ZNF395: variants seen among roughly 807,000 people sequenced by gnomAD.
The protein encoded by ZNF395 is HD gene regulatory region-binding protein 2.
ZNF395 carries 20 observed loss-of-function variants against 57.7 expected under a neutral mutation model. That is an observed-to-expected ratio of 0.35 (90% CI 0.24 to 0.50). The LOEUF is 0.50. ZNF395 is among the 20% of genes least tolerant of loss of function. The pLI, the probability that ZNF395 is intolerant of heterozygous loss-of-function variation, is 0.97. For missense variants in ZNF395, 606 were observed against 671.2 expected (o/e 0.90, Z 1.07); for synonymous variants, 295 against 275.9 (o/e 1.07, Z -0.69).
chr8:28,373,353 T>G (rs1228262160), intron 1 of ZNF395, among the ~76,000 whole-genome samples: 2 of 152,176 alleles, frequency 1.3e-5, no homozygotes, highest in South Asian at 2.1e-4. Flanking sequence ...ACAAGTTCTA[T>G]AGAGAGATAG....
chr8:28,356,552 G>A lies in ZNF395; in HGVS notation c.583+118C>T. The A allele has an allele frequency of 1.5e-6, 1 of 665,862 alleles. No individual in the cohort carries two copies. Among genetic ancestry groups the A allele is most frequent in the Non-Finnish European group, 2.6e-6 (1 of 389,558 alleles). The allele number at this position is 665,862 out of a possible 1,614,324, so 41.2% of individuals were successfully genotyped here. A position where few individuals can be genotyped will look rare whatever the true frequency, so the allele number is the denominator to read the frequency against. ...AGCCGGTCAGAGGTGCCAGTGGGAG[G>A]TGTCCCTGGACATTCTATTGCCAGG... On this transcript the variant is annotated intron_variant, in intron 4 of 9. Transcript: ENST00000344423. The surrounding 1 kb of genome is among the most constrained non-coding windows in gnomAD (Gnocchi z 4.0).
chr8:28,373,853 C>T (rs1802006481), intron 1 of ZNF395, among the ~76,000 whole-genome samples: 1 of 152,176 alleles, frequency 6.6e-6, no homozygotes, highest in Admixed American at 6.5e-5. Context: ...TGCTTAATGT[C>T]TGAGCACAGG....
intron 1 of ZNF395, among the ~76,000 whole-genome samples, chr8:28,362,395 C>T (rs537334378): frequency 6.6e-6 from 1 of 152,344 alleles, no homozygotes; most frequent in African/African-American, 2.4e-5. Context: ...GTCCTCTGTT[C>T]CCTACTATTC....
intron 8 of ZNF395, 85 bp downstream of exon 8, chr8:28,349,973 GCCCCGT>G (rs1239502042): frequency 1.7e-6 from 2 of 1,204,124 alleles, no homozygotes; most frequent in Non-Finnish European, 2.2e-6. Flanking sequence ...GTGGCCACGT[GCCCCGT>G]GCCCAAGGGA....
chr8:28,377,906 C>A (rs1802060994), intron 1 of ZNF395, among the ~76,000 whole-genome samples: 2 of 151,712 alleles, frequency 1.3e-5, no homozygotes, highest in Non-Finnish European at 2.9e-5. Flanking sequence ...TACAGGCAAG[C>A]AACACTACGC....
rs1465948054 is a variant in ZNF395, at chr8:28,352,767, C to T, written c.820-94G>A. The stretch of plus-strand genomic sequence containing the variant: ...GGGGACTCAAACTGGCTGCTGTCCC[C>T]GGCCTGACCCAACAAAAACCTCCAG... On this transcript the variant is annotated intron_variant, in intron 5 of 9. Coordinates refer to ENST00000344423, the MANE Select transcript of ZNF395 (RefSeq NM_018660.3). This position sits in a 1 kb window ranked among gnomAD's most constrained non-coding sequence, Gnocchi z 4.0. The T allele has an allele frequency of 1.4e-5, 15 of 1,079,670 alleles. No individual in the cohort carries two copies. The highest frequency in any genetic ancestry group is 2.0e-4 in the Middle Eastern group (1 of 4,892). 66.9% of individuals were successfully genotyped at this position (1,079,670 alleles called of 1,614,324 possible).
At chr8:28,382,625 C>A (rs1014810494) in intron 1 of ZNF395, among the ~76,000 whole-genome samples, 1 of 152,162 alleles carries the variant, frequency 6.6e-6, no homozygotes, top group African/African-American at 2.4e-5. Flanking sequence ...GGTAGTTATT[C>A]TTTATGTTGG....
In ZNF395 at chr8:28,359,619, A is replaced by G. The variant is rs748792392; in HGVS notation, c.446T>C (p.Val149Ala). ...CTTTGGGACATCGATGTTCCTGGAGACGGGCCTGTAGGCCAGGGCCTGGGC... is the reference window on the plus strand; with the variant it reads ...CTTTGGGACATCGATGTTCCTGGAGGCGGGCCTGTAGGCCAGGGCCTGGGC... ...PGAQALAYRPVSRNIDVPKRK... is the reference protein window; with the variant it reads ...PGAQALAYRPASRNIDVPKRK... The change falls in exon 3 of 10, where the codon GTC (valine) becomes GCC (alanine). Residue 149 changes from valine to alanine, a missense_variant. By Grantham distance (64) the Val-to-Ala change is moderately conservative. Transcript: ENST00000344423. This position sits in a 1 kb window ranked among gnomAD's most constrained non-coding sequence, Gnocchi z 4.7. The G allele has an allele frequency of 1.9e-6, 3 of 1,606,272 alleles. No homozygotes were observed. The highest frequency in any genetic ancestry group is 2.7e-5 in the African/African-American group (2 of 74,676).
At position 28,356,718 on chromosome 8, in the gene ZNF395, A is replaced by C; in HGVS notation, c.535T>G (p.Cys179Gly). The stretch of plus-strand genomic sequence containing the variant: ...GGAGGACTCTGTACAACAGGGCTGC[A>C]GGACAGGGACGTCAGCACCATGGCC... ...MAAMVLTSLSCSPVVQSPPGT... is the reference protein window; with the variant it reads ...MAAMVLTSLSGSPVVQSPPGT... The change falls in exon 4 of 10, where the codon TGC (cysteine) becomes GGC (glycine). Residue 179 changes from cysteine (C) to glycine (G), a missense_variant. Cys to Gly is a radical substitution (Grantham distance 159). This residue lies in a region of ZNF395 where 309 missense variants were observed against 374.7 expected (regional missense o/e 0.82). Coordinates refer to ENST00000344423, the MANE Select transcript of ZNF395 (RefSeq NM_018660.3). The surrounding 1 kb of genome is among the most constrained non-coding windows in gnomAD (Gnocchi z 4.0). 1 of 1,614,242 alleles carries C rather than the reference A, an allele frequency of 6.2e-7. No homozygotes were observed. The highest frequency in any genetic ancestry group is 8.5e-7 in the Non-Finnish European group (1 of 1,180,040).
chr8:28,350,585 C>A (rs185538221), intron 7 of ZNF395, among the ~76,000 whole-genome samples: 13 of 152,312 alleles, frequency 8.5e-5, no homozygotes, highest in Admixed American at 8.5e-4. Flanking sequence ...TCATGGGTAT[C>A]CAGGTTCAGG....
At chr8:28,379,842 T>TAAAAA (rs748360582) in intron 1 of ZNF395, among the ~76,000 whole-genome samples, 5 of 123,978 alleles carry the variant, frequency 4.0e-5, no homozygotes, top group African/African-American at 1.7e-4. Context: ...ATACAAACGT[T>TAAAAA]AAAAAAAAAA....
intron 8 of ZNF395, 40 bp downstream of exon 8, chr8:28,350,024 C>A: frequency 6.6e-7 from 1 of 1,524,846 alleles, no homozygotes; most frequent in Non-Finnish European, 8.8e-7. Context: ...GGAGAGCCCT[C>A]GGCCATACGA....
rs369693732 is a variant in ZNF395 at position 28,351,462 on chromosome 8, G to A, written c.1233+33C>T. The A allele has an allele frequency of 4.3e-5, 66 of 1,548,384 alleles. 1 individual carries two copies. Among genetic ancestry groups the A allele is most frequent in the Middle Eastern group, 3.5e-4 (2 of 5,780 alleles). The stretch of plus-strand genomic sequence containing the variant: ...AGCTGGCCCGTGATGAGTCAGCTAT[G>A]AGCCTGAGCCTCCAGCGAGCCCCGC... On this transcript the variant is annotated intron_variant, in intron 7 of 9. Transcript: ENST00000344423.
At chr8:28,374,689 C>T (rs1802019824) in intron 1 of ZNF395, among the ~76,000 whole-genome samples, 1 of 152,102 alleles carries the variant, frequency 6.6e-6, no homozygotes, top group African/African-American at 2.4e-5. Context: ...AATTTATATG[C>T]TAGTTCAAGG....
At chr8:28,369,697 G>C (rs2129976923) in intron 1 of ZNF395, among the ~76,000 whole-genome samples, 1 of 152,336 alleles carries the variant, frequency 6.6e-6, no homozygotes, top group Admixed American at 6.5e-5. Flanking sequence ...GGTGGGGCCT[G>C]GCCAGCCTCT....
chr8:28,370,808 C>T (rs1015089614), intron 1 of ZNF395, among the ~76,000 whole-genome samples: 1 of 152,120 alleles, frequency 6.6e-6, no homozygotes, highest in East Asian at 1.9e-4. Flanking sequence ...TAGTTCAAGG[C>T]CAGCAGAAGA....
chr8:28,348,810 T>C lies in ZNF395; in HGVS notation c.1451A>G (p.Lys484Arg), dbSNP rs1391651762. The C allele has an allele frequency of 5.6e-6, 9 of 1,614,078 alleles. No homozygotes were observed. The highest frequency in any genetic ancestry group is 7.6e-6 in the Non-Finnish European group (9 of 1,180,008). The change falls in exon 10 of 10, where the codon AAG (lysine) becomes AGG (arginine). Residue 484 changes from lysine to arginine, a missense_variant. By Grantham distance (26) the Lys-to-Arg change is conservative. Transcript: ENST00000344423. Reference sequence around the variant, plus strand: ...GATGCCATACACCTTGCGGCACTTCTTAGCCTCCCCTCGGGCTTTCCTGCA... The same window carrying C: ...GATGCCATACACCTTGCGGCACTTCCTAGCCTCCCCTCGGGCTTTCCTGCA... ...SGARKARGEA[K>R]KCRKVYGIEH...
intron 1 of ZNF395, 80 bp from the exon 2 acceptor site, chr8:28,361,262 T>A: frequency 8.3e-7 from 1 of 1,207,780 alleles, no homozygotes. Context: ...AGTGAACCCT[T>A]TAAAGTCAAC....
At chr8:28,369,633 T>C (rs1382113042) in intron 1 of ZNF395, among the ~76,000 whole-genome samples, 2 of 152,212 alleles carry the variant, frequency 1.3e-5, no homozygotes, top group Non-Finnish European at 2.9e-5. Flanking sequence ...TTTCCTGCTC[T>C]GTTCCCCCAA....
Sources: allele counts gnomAD v4.1 joint callset (sites outside exome capture counted in the v4.1 genomes callset), GRCh38; gene constraint gnomAD v4.1.1; regional missense constraint gnomAD v4.1.1; non-coding constraint Gnocchi (gnomAD v3.1); transcripts MANE v1.5; gene names NCBI Gene and HGNC (gene_info 2026-07-23, HGNC 2026-07-21).